The following TMEM132D variants were observed in gnomAD, a reference collection of about 807,000 sequenced individuals.
The protein encoded by TMEM132D is transmembrane protein 132D.
A neutral mutation model predicts 62.3 loss-of-function variants in TMEM132D; 21 were observed. The ratio of observed to expected loss-of-function variants is 0.34; its 90% CI spans 0.24 to 0.49. The LOEUF is 0.49. TMEM132D is among the 20% of genes least tolerant of loss of function. The pLI is 0.99. For missense variants in TMEM132D, 1,346 were observed against 1,402.8 expected (o/e 0.96, Z 0.65); for synonymous variants, 621 against 575.6 (o/e 1.08, Z -1.13).
intron 4 of TMEM132D, among the ~76,000 whole-genome samples, chr12:129,241,150 C>CAAAAA (rs35152074): frequency 1.0e-5 from 1 of 95,642 alleles, no homozygotes; most frequent in African/African-American, 3.8e-5. Flanking sequence ...CCTCTTACCT[C>CAAAAA]AAAAAAAAAA....
chr12:129,614,228 T>C (rs565472882), intron 2 of TMEM132D, among the ~76,000 whole-genome samples: 9 of 152,342 alleles, frequency 5.9e-5, no homozygotes, highest in African/African-American at 1.9e-4. Flanking sequence ...ACTGCACTTG[T>C]TGCAAACAGC....
chr12:129,620,153 C>G (rs530137537), intron 2 of TMEM132D, among the ~76,000 whole-genome samples: 115 of 152,332 alleles, frequency 7.5e-4, no homozygotes, highest in African/African-American at 2.7e-3. Flanking sequence ...AAGCTGGCAA[C>G]TCAACTTGGA....
In TMEM132D at chr12:129,700,229, G is replaced by A. The variant is rs2137226512; in HGVS notation, c.549C>T (p.Cys183=). ...ACAGCCCCAGGTCCCCCTGCAGCCGGCAGCTGCCCCGCACCTCTCGGGTCT... is the reference window on the plus strand; with the variant it reads ...ACAGCCCCAGGTCCCCCTGCAGCCGACAGCTGCCCCGCACCTCTCGGGTCT... ...FRETREVRGS[C]RLQGDLGLCV... is the part of the protein sequence containing the mutation. The change falls in exon 2 of 9, where the codon TGC becomes TGT. Residue 183 remains cysteine (C), a synonymous_variant. Coordinates refer to ENST00000422113, the MANE Select transcript of TMEM132D (RefSeq NM_133448.3). The A allele has an allele frequency of 6.2e-7, 1 of 1,612,888 alleles. No individual in the cohort carries two copies. Among genetic ancestry groups the A allele is most frequent in the Non-Finnish European group, 8.5e-7 (1 of 1,179,932 alleles).
chr12:129,806,437 G>A (rs368226784), intron 1 of TMEM132D, among the ~76,000 whole-genome samples: 276 of 128,442 alleles, frequency 2.1e-3, no homozygotes, highest in Non-Finnish European at 3.4e-3. Flanking sequence ...GTAAACTATC[G>A]CAAGAACAAA....
At chr12:129,545,913 G>A (rs965103993) in intron 2 of TMEM132D, among the ~76,000 whole-genome samples, 2 of 152,160 alleles carry the variant, frequency 1.3e-5, no homozygotes, top group Non-Finnish European at 2.9e-5. Flanking sequence ...AAGAGGACCA[G>A]GAATATGAGG....
At chr12:129,645,247 C>T (rs970820871) in intron 2 of TMEM132D, among the ~76,000 whole-genome samples, 4 of 152,136 alleles carry the variant, frequency 2.6e-5, no homozygotes, top group East Asian at 3.9e-4. Context: ...CACCTACATA[C>T]CAAGGCCACC....
chr12:129,086,361 T>A (rs1445528424), intron 5 of TMEM132D, among the ~76,000 whole-genome samples: 1 of 152,220 alleles, frequency 6.6e-6, no homozygotes, highest in Non-Finnish European at 1.5e-5. Flanking sequence ...ATGTACATTG[T>A]ACCTCTTAAG....
intron 3 of TMEM132D, among the ~76,000 whole-genome samples, chr12:129,479,165 G>A (rs1198001101): frequency 6.6e-6 from 1 of 152,106 alleles, no homozygotes; most frequent in Non-Finnish European, 1.5e-5. Context: ...CCCAGTATAG[G>A]GCTGATGCTT....
chr12:129,134,302 T>C (rs369795760), intron 5 of TMEM132D, among the ~76,000 whole-genome samples: 5 of 152,110 alleles, frequency 3.3e-5, no homozygotes, highest in Non-Finnish European at 5.9e-5. Flanking sequence ...CACAATTACA[T>C]CAGGCACTGG....
At chr12:129,184,288 A>C (rs929001977) in intron 5 of TMEM132D, among the ~76,000 whole-genome samples, 18 of 152,208 alleles carry the variant, frequency 1.2e-4, no homozygotes, top group African/African-American at 4.1e-4. Flanking sequence ...CCGCTGATAA[A>C]TTACCAACAT....
rs531137498 is a variant in TMEM132D, at chr12:129,432,516, C to A, written c.1116-94699G>T. Among the ~76,000 whole-genome samples, 4 of 152,300 alleles carry A rather than the reference C, an allele frequency of 2.6e-5. No homozygotes were observed. The South Asian group carries it at 8.3e-4, about 32-fold the overall frequency. Reference sequence around the variant, plus strand: ...GCCAAATACGGGTGTATAAGTAAGACAACTTTTCTTCATTGGCATGGGCCA... The same window carrying A: ...GCCAAATACGGGTGTATAAGTAAGAAAACTTTTCTTCATTGGCATGGGCCA... On this transcript the variant is annotated intron_variant, in intron 3 of 8. Transcript: ENST00000422113.
At chr12:129,445,926 CAA>C (rs1873082971) in intron 3 of TMEM132D, among the ~76,000 whole-genome samples, 1 of 152,136 alleles carries the variant, frequency 6.6e-6, no homozygotes, top group East Asian at 1.9e-4. Flanking sequence ...GCCGGTGCAG[CAA>C]AGTCCTCAGC....
intron 1 of TMEM132D, among the ~76,000 whole-genome samples, chr12:129,877,623 A>ACACG (rs1874467112): frequency 7.0e-6 from 1 of 143,282 alleles, no homozygotes; most frequent in Non-Finnish European, 1.5e-5. Context: ...GCACACACAC[A>ACACG]CACACAGAGA....
At chr12:129,527,264 G>A (rs549372290) in intron 3 of TMEM132D, among the ~76,000 whole-genome samples, 41 of 152,256 alleles carry the variant, frequency 2.7e-4, no homozygotes, top group African/African-American at 8.9e-4. Context: ...AGCCAAGATC[G>A]CACCACTGCA....
chr12:129,509,230 A>C (rs1451561548), intron 3 of TMEM132D, among the ~76,000 whole-genome samples: 1 of 152,188 alleles, frequency 6.6e-6, no homozygotes, highest in African/African-American at 2.4e-5. Flanking sequence ...TCAGAAGGTC[A>C]ATGAGGGCTT....
At chr12:129,343,771 C>A (rs140230027) in intron 3 of TMEM132D, among the ~76,000 whole-genome samples, 2,438 of 127,132 alleles carry the variant, frequency 0.019, 60 homozygotes, top group African/African-American at 0.062. Context: ...CAAAAAAAAA[C>A]AAAAAAAAAA....
intron 4 of TMEM132D, among the ~76,000 whole-genome samples, chr12:129,278,498 C>T (rs1679317200): frequency 1.3e-5 from 2 of 152,138 alleles, no homozygotes; most frequent in South Asian, 4.1e-4. Flanking sequence ...TAACCCCCGT[C>T]TTGCATCCGG....
At chr12:129,609,498 G>A (rs1048488566) in intron 2 of TMEM132D, among the ~76,000 whole-genome samples, 8 of 152,140 alleles carry the variant, frequency 5.3e-5, no homozygotes, top group Admixed American at 2.0e-4. Flanking sequence ...TGACAATGAC[G>A]CAATGCCTGG....
At chr12:129,449,507 T>G (rs1873204750) in intron 3 of TMEM132D, among the ~76,000 whole-genome samples, 1 of 152,154 alleles carries the variant, frequency 6.6e-6, no homozygotes, top group Admixed American at 6.5e-5. Flanking sequence ...ATTGACAGCT[T>G]CAGATTTTTG....
Sources: gnomAD v4.1 joint callset for allele counts (sites outside exome capture counted in the v4.1 genomes callset) on GRCh38, gnomAD v4.1.1 for gene constraint, MANE v1.5 for transcripts, NCBI Gene and HGNC (gene_info 2026-07-23, HGNC 2026-07-21) for gene names.